ITPR2: variants seen among roughly 807,000 people sequenced by gnomAD.
ITPR2 encodes inositol 1,4,5-trisphosphate receptor type 2.
ITPR2 carries 207 observed loss-of-function variants against 317.1 expected under a neutral mutation model. The ratio of observed to expected loss-of-function variants is 0.65; its 90% confidence interval spans 0.58 to 0.73. ITPR2 has a LOEUF of 0.73. ITPR2 is among the 30% of genes least tolerant of loss of function. The pLI is 0.00. For missense variants in ITPR2, 2,613 were observed against 3,284.0 expected, an observed-to-expected ratio of 0.80 and a Z score of 4.99; for synonymous variants, 1,156 against 1,149.1, an observed-to-expected ratio of 1.01 and a Z score of -0.12.
chr12:26,795,843 G>A (rs1486145836), intron 1 of ITPR2, among the ~76,000 whole-genome samples: 1 of 152,088 alleles, frequency 6.6e-6, no homozygotes. Context: ...AAATTAGCAG[G>A]GCGTGGTGGC....
At chr12:26,669,561 G>C (rs761612878) in intron 13 of ITPR2, among the ~76,000 whole-genome samples, 3 of 152,226 alleles carry the variant, frequency 2.0e-5, no homozygotes, top group Admixed American at 1.3e-4. Context: ...CCAAGTCGGG[G>C]GAGGAGCCAA....
At chr12:26,828,848 A>G (rs187147136) in intron 1 of ITPR2, among the ~76,000 whole-genome samples, 4 of 152,248 alleles carry the variant, frequency 2.6e-5, no homozygotes, top group Non-Finnish European at 4.4e-5. Flanking sequence ...AGAAATACAT[A>G]CTCTGATGGC....
chr12:26,782,039 GAGA>G (rs1950103322), intron 2 of ITPR2, among the ~76,000 whole-genome samples: 11 of 25,412 alleles, frequency 4.3e-4, no homozygotes, highest in Admixed American at 1.1e-3. Flanking sequence ...TATATGTATA[GAGA>G]GAGAGAGAGA....
At chr12:26,512,553 A>G (rs1277715010) in intron 37 of ITPR2, among the ~76,000 whole-genome samples, 2 of 152,226 alleles carry the variant, frequency 1.3e-5, no homozygotes, top group East Asian at 3.8e-4. Flanking sequence ...TTATCTACCT[A>G]TAACCTGGAA....
chr12:26,487,311 G>A (rs558519237), intron 39 of ITPR2, 60 bp from the exon 40 acceptor site: 2 of 1,255,738 alleles, frequency 1.6e-6, no homozygotes, highest in East Asian at 4.7e-5. Flanking sequence ...GTGTTTTTAT[G>A]CTTGAACTAA....
chr12:26,654,171 GA>G lies in ITPR2; in HGVS notation c.2590-46del, dbSNP rs553313570. 1,034 of 1,414,468 alleles carry G rather than the reference GA, an allele frequency of 7.3e-4. 2 individuals carry two copies. The African/African-American group carries it at 8.9e-3, about 12-fold the overall frequency. 87.6% of individuals were successfully genotyped at this position (1,414,468 alleles called of 1,614,324 possible). Reference sequence around the variant, plus strand: ...CGGGGAGGGGGAGGGTGAAAGAGTGGAAAAAAAAATTGGGTACTGAAATAAA... The same window carrying G: ...CGGGGAGGGGGAGGGTGAAAGAGTGGAAAAAAAATTGGGTACTGAAATAAA... On this transcript the variant is annotated intron_variant, in intron 20 of 56. Coordinates refer to ENST00000381340, the MANE Select transcript of ITPR2 (RefSeq NM_002223.4).
chr12:26,502,966 A>G (rs924741178), intron 37 of ITPR2, among the ~76,000 whole-genome samples: 2 of 152,140 alleles, frequency 1.3e-5, no homozygotes, highest in Non-Finnish European at 2.9e-5. Context: ...GAGGAACAAT[A>G]CATACGGGGA....
In ITPR2 at chr12:26,337,877, G is replaced by A. The variant is rs1363445359; in HGVS notation, c.*1520C>T. The A allele has an allele frequency of 6.6e-6, 1 of 152,156 alleles. No individual in the cohort carries two copies. Among genetic ancestry groups the A allele is most frequent in the Non-Finnish European group, 1.5e-5 (1 of 68,030 alleles). 9.4% of individuals were successfully genotyped at this position (152,156 alleles called of 1,614,324 possible). A position where few individuals can be genotyped will look rare whatever the true frequency, so the allele number is the denominator to read the frequency against. The stretch of plus-strand genomic sequence containing the variant: ...AACAGTATGTGGAAGGATTGGTTCA[G>A]GCTTCCTTTATATTCTACATAGATC... On this transcript the variant is annotated 3_prime_UTR_variant, in exon 57 of 57. Coordinates refer to ENST00000381340, the MANE Select transcript of ITPR2 (RefSeq NM_002223.4).
At position 26,585,220 on chromosome 12, in the gene ITPR2, A is replaced by G. The variant is rs79547522; in HGVS notation, c.4381-5065T>C. ...TTTTGTTCTGCCATATATATTTTAC[A>G]TAATTGAAACCATTCTAGATTATGT... On this transcript the variant is annotated intron_variant, in intron 32 of 56. Coordinates refer to ENST00000381340, the MANE Select transcript of ITPR2 (RefSeq NM_002223.4). Among the ~76,000 whole-genome samples, 679 of 152,302 alleles carry G rather than the reference A, an allele frequency of 4.5e-3. 1 individual carries two copies. The highest frequency in any genetic ancestry group is 0.015 in the African/African-American group (636 of 41,560).
chr12:26,477,791 G>C (rs557292611), intron 43 of ITPR2, among the ~76,000 whole-genome samples: 1 of 152,162 alleles, frequency 6.6e-6, no homozygotes, highest in Non-Finnish European at 1.5e-5. Flanking sequence ...TCTTAGCCAA[G>C]AAAGCACAAT....
intron 2 of ITPR2, among the ~76,000 whole-genome samples, chr12:26,771,105 C>T (rs1372037955): frequency 1.3e-5 from 2 of 152,128 alleles, no homozygotes; most frequent in African/African-American, 2.4e-5. Context: ...TCTCAAGATC[C>T]TTAATTTAAT....
At position 26,653,527 on chromosome 12, in the gene ITPR2, AC is replaced by A. The variant is rs1947306222; in HGVS notation, c.2740+448del. On this transcript the variant is annotated intron_variant, in intron 21 of 56. Coordinates refer to ENST00000381340, the MANE Select transcript of ITPR2 (RefSeq NM_002223.4). ...AGTGCTAGGATTACAGGCGTGAGCC[AC>A]CGTGCCTGGCCTTCCTTGCATCCGT... Among the ~76,000 whole-genome samples, 6 of 152,284 alleles carry A rather than the reference AC, an allele frequency of 3.9e-5. No homozygotes were observed. In the South Asian group the frequency reaches 1.2e-3, roughly 32 times the overall value.
At chr12:26,559,473 T>C in intron 35 of ITPR2, among the ~76,000 whole-genome samples, 1 of 152,220 alleles carries the variant, frequency 6.6e-6, no homozygotes, top group East Asian at 1.9e-4. Context: ...TGTCCTCACA[T>C]GGTAGAAGGG....
intron 30 of ITPR2, among the ~76,000 whole-genome samples, chr12:26,598,263 C>A (rs1945900291): frequency 6.6e-6 from 1 of 152,128 alleles, no homozygotes; most frequent in South Asian, 2.1e-4. Context: ...TAAAAAAATT[C>A]AAGGCTTTAA....
chr12:26,568,738 C>T (rs1220645778), intron 34 of ITPR2, among the ~76,000 whole-genome samples: 3 of 152,166 alleles, frequency 2.0e-5, no homozygotes, highest in African/African-American at 7.2e-5. Context: ...TCAAGTTCTA[C>T]TGTATAGCCC....
chr12:26,795,898 C>A (rs983670402), intron 1 of ITPR2, among the ~76,000 whole-genome samples: 5 of 151,448 alleles, frequency 3.3e-5, no homozygotes, highest in African/African-American at 1.2e-4. Flanking sequence ...GCGGGAGAAT[C>A]GCTTAAACCC....
intron 45 of ITPR2, among the ~76,000 whole-genome samples, chr12:26,453,170 T>A (rs1016776449): frequency 2.0e-5 from 3 of 152,200 alleles, no homozygotes; most frequent in African/African-American, 7.2e-5. Flanking sequence ...TAAGATTTTA[T>A]AAAGAATTCA....
At chr12:26,729,905 T>TACA (rs1948998802) in intron 2 of ITPR2, among the ~76,000 whole-genome samples, 1 of 151,938 alleles carries the variant, frequency 6.6e-6, no homozygotes, top group African/African-American at 2.4e-5. Flanking sequence ...CAAACCCCCA[T>TACA]GACACAAGTT....
At chr12:26,466,022 C>A (rs1218214140) in intron 45 of ITPR2, among the ~76,000 whole-genome samples, 2 of 152,138 alleles carry the variant, frequency 1.3e-5, no homozygotes, top group Non-Finnish European at 2.9e-5. Flanking sequence ...ATATGATAAT[C>A]TCTTCATGTT....
Sources: allele counts gnomAD v4.1 joint callset (sites outside exome capture counted in the v4.1 genomes callset), GRCh38; gene constraint gnomAD v4.1.1; transcripts MANE v1.5; gene names NCBI Gene and HGNC (gene_info 2026-07-23, HGNC 2026-07-21).